Variants in EXD3 observed in about 807,000 individuals in gnomAD.
The protein encoded by EXD3 is exonuclease 3'-5' domain containing 3.
Under a neutral mutation model 98.0 loss-of-function variants are expected in EXD3, and 92 were observed. That is an observed-to-expected ratio of 0.94 (90% CI 0.79 to 1.12). The LOEUF (loss-of-function observed/expected upper bound fraction) is 1.12. Among genes scored for constraint, EXD3 ranks in the 50% most tolerant of loss-of-function variants. The probability of loss-of-function intolerance (pLI) is 0.00; values close to 1 mark genes in which losing one functional copy is unlikely to be tolerated. For synonymous variants in EXD3, 569 were observed against 526.0 expected (o/e 1.08, Z -1.12); for missense variants, 1,222 against 1,191.6 (o/e 1.03, Z -0.38).
chr9:137,370,842 C>T (rs542994304), intron 5 of EXD3, among the ~76,000 whole-genome samples: 12 of 147,202 alleles, frequency 8.2e-5, no homozygotes, highest in Non-Finnish European at 1.8e-4. Flanking sequence ...CCTTGATAAG[C>T]TGTTTAAAAA....
At chr9:137,366,343 A>C in intron 7 of EXD3, 150 bp downstream of exon 7, 1 of 1,140,430 alleles carries the variant, frequency 8.8e-7, no homozygotes, top group Non-Finnish European at 1.3e-6. Context: ...CAGCTGCTCC[A>C]GCTGCAGTCA....
chr9:137,306,995 G>GGGGCT lies in EXD3; in HGVS notation c.2581_2585dup (p.Cys863AlafsTer?). On this transcript the variant is annotated frameshift_variant, in exon 22 of 22. Coordinates refer to ENST00000340951, the MANE Select transcript of EXD3 (RefSeq NM_017820.5). LOFTEE classifies it low-confidence loss of function (END_TRUNC). ...GGCTGGGGGCTGGGCTCGGCTCGCA[G>GGGGCT]GGGCTGGGGGCGCTCTCCAGCATGT... The GGGGCT allele has an allele frequency of 1.9e-6, 3 of 1,606,310 alleles. No individual in the cohort carries two copies. Among genetic ancestry groups the GGGGCT allele is most frequent in the Non-Finnish European group, 2.6e-6 (3 of 1,176,054 alleles).
intron 8 of EXD3, among the ~76,000 whole-genome samples, chr9:137,355,450 T>C (rs200927383): frequency 9.4e-4 from 9 of 9,530 alleles, no homozygotes; most frequent in Admixed American, 3.0e-3. Flanking sequence ...GAAGGGAGGA[T>C]GGAGGAAGGA....
At position 137,372,923 on chromosome 9, in the gene EXD3, G is replaced by A. The variant is rs368134374; in HGVS notation, c.444C>T (p.His148=). 1.6e-4 allele frequency: 252 copies of A among 1,599,690 alleles called. No individual in the cohort carries two copies. Among genetic ancestry groups the A allele is most frequent in the Admixed American group, 3.7e-4 (22 of 59,984 alleles). ...CLLAHVHRLH[H]EGRFREAATL... is the part of the protein sequence containing the mutation. ...CACTCACTTCTCTGAACCTGCCCTC[G>A]TGGTGGAGGCGGTGGACGTGTGCCA... The change falls in exon 5 of 22, where the codon CAC becomes CAT. Residue 148 remains histidine (H), a synonymous_variant. Transcript: ENST00000340951.
intron 1 of EXD3, among the ~76,000 whole-genome samples, chr9:137,410,422 T>C (rs533617110): frequency 2.7e-5 from 4 of 150,410 alleles, no homozygotes; most frequent in Non-Finnish European, 5.9e-5. Flanking sequence ...GAGGTGGAGG[T>C]TGCAGTGAGC....
rs560707940 is a variant in EXD3, at chr9:137,354,660, C to T, written c.831+40G>A. ...CCAGGCCAAACTCTGTGGCTCAGGCCGCGGCTGGCTGCCCCCAGGACCCCC... is the reference window on the plus strand; with the variant it reads ...CCAGGCCAAACTCTGTGGCTCAGGCTGCGGCTGGCTGCCCCCAGGACCCCC... On this transcript the variant is annotated intron_variant, in intron 9 of 21. Transcript: ENST00000340951. 572 of 1,607,024 alleles carry T rather than the reference C, an allele frequency of 3.6e-4. 4 individuals are homozygous for T. Among genetic ancestry groups the T allele is most frequent in the South Asian group, 3.4e-3 (310 of 90,872 alleles).
rs558615597 is a variant in EXD3, at chr9:137,307,163, G to A, written c.2418C>T (p.Ala806=). 281 of 1,589,962 alleles carry A rather than the reference G, an allele frequency of 1.8e-4. No homozygotes were observed. In the Middle Eastern group the frequency reaches 2.2e-3, roughly 12 times the overall value. The change falls in exon 22 of 22, where the codon GCC becomes GCT. Residue 806 remains alanine (A), a synonymous_variant. Transcript: ENST00000340951. The part of the protein sequence containing the change: ...DLRAETPDML[A]DGTRLQLAGV... ...CTGCCAGCTGCAGCCGGGTGCCGTCGGCCAGCATGTCCGGTGTCTCCGCCC... is the reference window on the plus strand; with the variant it reads ...CTGCCAGCTGCAGCCGGGTGCCGTCAGCCAGCATGTCCGGTGTCTCCGCCC...
At chr9:137,353,495 T>C in intron 10 of EXD3, 1 of 987,672 alleles carries the variant, frequency 1.0e-6, no homozygotes. Flanking sequence ...TGGGCACCCA[T>C]TCACCCATGG....
At position 137,307,602 on chromosome 9, in the gene EXD3, G is replaced by A. The variant is rs750839940; in HGVS notation, c.2317+6C>T. 2.5e-6 allele frequency: 4 copies of A among 1,609,716 alleles called. No homozygotes were observed. Among genetic ancestry groups the A allele is most frequent in the Non-Finnish European group, 3.4e-6 (4 of 1,179,636 alleles). Reference sequence around the variant, plus strand: ...TGTGTCCTTGGTGGGCGGTCCCGGGGCTCACCTGGCTCCTGCACCGCCTGG... The same window carrying A: ...TGTGTCCTTGGTGGGCGGTCCCGGGACTCACCTGGCTCCTGCACCGCCTGG... On this transcript the variant is annotated splice_donor_region_variant and intron_variant, in intron 21 of 21. Coordinates refer to ENST00000340951, the MANE Select transcript of EXD3 (RefSeq NM_017820.5).
At chr9:137,323,997 C>G in intron 18 of EXD3, 93 bp downstream of exon 18, 2 of 1,531,580 alleles carry the variant, frequency 1.3e-6, no homozygotes, top group Non-Finnish European at 1.8e-6. Context: ...GTCGGCCCCA[C>G]GGCAAGCTGA....
rs910078159 is a variant in EXD3 at position 137,371,156 on chromosome 9, A to G, written c.462+1749T>C. ...GAGGGAGGCGCATTCAGCCGGCCCC[A>G]GACAGTCTTTGAAAGGCTCTGTAAC... On this transcript the variant is annotated intron_variant, in intron 5 of 21. Coordinates refer to ENST00000340951, the MANE Select transcript of EXD3 (RefSeq NM_017820.5). This position sits in a 1 kb window ranked among gnomAD's most constrained non-coding sequence, Gnocchi z 8.0. Among the ~76,000 whole-genome samples the G allele has an allele frequency of 6.6e-6, 1 of 152,118 alleles. No individual in the cohort carries two copies. Among genetic ancestry groups the G allele is most frequent in the Non-Finnish European group, 1.5e-5 (1 of 68,018 alleles).
intron 1 of EXD3, among the ~76,000 whole-genome samples, chr9:137,416,965 CCAGAACACGCCCA>C: frequency 6.6e-6 from 1 of 152,346 alleles, no homozygotes; most frequent in East Asian, 1.9e-4. Context: ...ACAGACGCGG[CCAGAACACGCCCA>C]ACTCCACGGG....
rs563761495 is a variant in EXD3, at chr9:137,346,238, C to CAAAAAAAAAAAAAAAA, written c.1998+1817_1998+1832dup. Among the ~76,000 whole-genome samples, 22 of 13,616 alleles carry CAAAAAAAAAAAAAAAA rather than the reference C, an allele frequency of 1.6e-3. 2 individuals carry two copies. The highest frequency in any genetic ancestry group is 4.3e-3 in the African/African-American group (15 of 3,510). The allele number at this position is 13,616 out of a possible 152,430, so 8.9% of individuals were successfully genotyped here. Reference sequence around the variant, plus strand: ...TGGGAGACAGAGCAAGACTCCGTCTCAAAAAAAAAAAAAAAAAAAAAAAAA... The same window carrying CAAAAAAAAAAAAAAAA: ...TGGGAGACAGAGCAAGACTCCGTCTCAAAAAAAAAAAAAAAAAAAAAAAAAAAAAAAAAAAAAAAAA... On this transcript the variant is annotated intron_variant, in intron 17 of 21. Transcript: ENST00000340951.
chr9:137,378,506 C>T (rs1211147299), intron 3 of EXD3, among the ~76,000 whole-genome samples: 3 of 152,196 alleles, frequency 2.0e-5, no homozygotes, highest in East Asian at 1.9e-4. Flanking sequence ...CCACCACACC[C>T]GTCCTCCCCA....
intron 20 of EXD3, 102 bp downstream of exon 20, chr9:137,309,505 G>A (rs1460062662): frequency 1.1e-5 from 10 of 934,470 alleles, no homozygotes; most frequent in East Asian, 2.7e-5. Context: ...CTTATCTGAG[G>A]AAGCTCAGTG....
chr9:137,355,248 C>T (rs1834567933), intron 8 of EXD3, among the ~76,000 whole-genome samples: 3 of 152,152 alleles, frequency 2.0e-5, no homozygotes, highest in Admixed American at 2.0e-4. Context: ...TGAGGGGGCC[C>T]CGGGGAGGGC....
chr9:137,371,509 C>T lies in EXD3; in HGVS notation c.462+1396G>A, dbSNP rs1238323595. On this transcript the variant is annotated intron_variant, in intron 5 of 21. Coordinates refer to ENST00000340951, the MANE Select transcript of EXD3 (RefSeq NM_017820.5). This position sits in a 1 kb window ranked among gnomAD's most constrained non-coding sequence, Gnocchi z 8.0. ...TGCTGGGAAGAGGAACCCAGGGTGCCATCGGGACGGCGTCTCAGCAGCAGG... is the reference window on the plus strand; with the variant it reads ...TGCTGGGAAGAGGAACCCAGGGTGCTATCGGGACGGCGTCTCAGCAGCAGG... Among the ~76,000 whole-genome samples, 6 of 152,242 alleles carry T rather than the reference C, an allele frequency of 3.9e-5. No individual in the cohort carries two copies. The highest frequency in any genetic ancestry group is 1.2e-4 in the African/African-American group (5 of 41,556).
chr9:137,420,737 A>ACCC (rs34647307), intron 1 of EXD3, among the ~76,000 whole-genome samples: 11,785 of 111,660 alleles, frequency 0.11, 1,454 homozygotes, highest in Non-Finnish European at 0.16. Flanking sequence ...ACAGACATTC[A>ACCC]CCCCCCCCCC....
At chr9:137,358,394 C>T (rs1834895873) in intron 7 of EXD3, among the ~76,000 whole-genome samples, 1 of 152,176 alleles carries the variant, frequency 6.6e-6, no homozygotes, top group Non-Finnish European at 1.5e-5. Context: ...CACCGTGCCG[C>T]TCACAAAGAC....
Sources: gnomAD v4.1 joint callset for allele counts (sites outside exome capture counted in the v4.1 genomes callset) on GRCh38, gnomAD v4.1.1 for gene constraint, Gnocchi (gnomAD v3.1) non-coding constraint, MANE v1.5 for transcripts, NCBI Gene and HGNC (gene_info 2026-07-23, HGNC 2026-07-21) for gene names.